Variants in TRPM3 observed in about 807,000 individuals in gnomAD.
TRPM3 encodes the protein transient receptor potential cation channel subfamily M member 3.
In TRPM3, 77 loss-of-function variants were observed where a neutral mutation model predicts 181.2. The ratio of observed to expected loss-of-function variants is 0.42; its 90% CI spans 0.35 to 0.51. The LOEUF is 0.51. Ranked by LOEUF, TRPM3 falls within the 20% of genes least tolerant of loss-of-function variation. The pLI is 0.01. For synonymous variants in TRPM3, 745 were observed against 796.4 expected (o/e 0.94, Z 1.09); for missense variants, 1,759 against 2,196.7 (o/e 0.80, Z 3.98).
intron 1 of TRPM3, among the ~76,000 whole-genome samples, chr9:71,303,355 C>A (rs1399165095): frequency 1.3e-5 from 2 of 152,184 alleles, no homozygotes; most frequent in Non-Finnish European, 2.9e-5. Context: ...AGTTAAATAT[C>A]TCTTTATCTG....
chr9:71,054,898 G>T (rs1255862698), intron 1 of TRPM3, among the ~76,000 whole-genome samples: 2 of 152,102 alleles, frequency 1.3e-5, no homozygotes, highest in African/African-American at 4.8e-5. Context: ...AATAACAGTA[G>T]CTTATAATAA....
chr9:71,111,187 G>A (rs1283131750), intron 1 of TRPM3, among the ~76,000 whole-genome samples: 1 of 152,168 alleles, frequency 6.6e-6, no homozygotes, highest in African/African-American at 2.4e-5. Flanking sequence ...CTTAGTCTGT[G>A]TTTAGTGAAT....
chr9:71,201,290 T>C (rs2078773850), intron 1 of TRPM3, among the ~76,000 whole-genome samples: 1 of 152,206 alleles, frequency 6.6e-6, no homozygotes, highest in South Asian at 2.1e-4. Context: ...GACCTTTCTC[T>C]CTGGCTGCCC....
chr9:70,580,287 C>A (rs563843011), intron 22 of TRPM3, among the ~76,000 whole-genome samples: 74 of 152,264 alleles, frequency 4.9e-4, no homozygotes, highest in Middle Eastern at 6.8e-3. Context: ...CACAAGGCGA[C>A]CTGCGAATTT....
chr9:71,027,785 T>A (rs919461433), intron 1 of TRPM3, among the ~76,000 whole-genome samples: 8 of 151,670 alleles, frequency 5.3e-5, no homozygotes, highest in Admixed American at 4.6e-4. Flanking sequence ...TGAAAAGAAA[T>A]AAACAAAAAC....
intron 1 of TRPM3, among the ~76,000 whole-genome samples, chr9:70,890,586 A>G (rs1238602110): frequency 1.3e-5 from 2 of 152,144 alleles, no homozygotes; most frequent in African/African-American, 2.4e-5. Context: ...GACAGAAGAA[A>G]ACATATTTCG....
upstream of TRPM3, chr9:71,121,672 G>A (rs372747326): frequency 1.8e-6 from 2 of 1,104,994 alleles, no homozygotes; most frequent in South Asian, 3.7e-5. Flanking sequence ...CAGGCGTTGG[G>A]GGGGAACCGG....
At chr9:71,438,536 G>T (rs2094084353) in intron 1 of TRPM3, among the ~76,000 whole-genome samples, 2 of 151,988 alleles carry the variant, frequency 1.3e-5, no homozygotes, top group Non-Finnish European at 2.9e-5. Flanking sequence ...AGCAGGGTGT[G>T]GTGGCGCATG....
intron 1 of TRPM3, among the ~76,000 whole-genome samples, chr9:70,915,373 C>T (rs1389739221): frequency 1.3e-5 from 2 of 152,060 alleles, no homozygotes; most frequent in Admixed American, 1.3e-4. Flanking sequence ...TCTCGGCTCA[C>T]TGCAAGCTTC....
intron 1 of TRPM3, among the ~76,000 whole-genome samples, chr9:71,374,413 C>A (rs186883425): frequency 3.8e-4 from 57 of 151,956 alleles, no homozygotes; most frequent in Admixed American, 7.9e-4. Context: ...ACAAAAAAAA[C>A]CACTCTCAAA....
At position 71,063,120 on chromosome 9, in the gene TRPM3, C is replaced by T. The variant is rs76547970; in HGVS notation, c.177+58058G>A. On this transcript the variant is annotated intron_variant, in intron 1 of 25. Coordinates refer to ENST00000677713, the MANE Select transcript of TRPM3 (RefSeq NM_001366145.2). ...TGTATCTCCTATCTCTAGAATCCAG[C>T]CATACTGGTCACATCATCAAAGCAA... Among the ~76,000 whole-genome samples the T allele has an allele frequency of 4.9e-3, 750 of 152,166 alleles. 18 individuals carry two copies. The East Asian group carries it at 0.078, about 16-fold the overall frequency.
chr9:71,303,438 A>T (rs890424629), intron 1 of TRPM3, among the ~76,000 whole-genome samples: 2 of 152,226 alleles, frequency 1.3e-5, no homozygotes, highest in African/African-American at 4.8e-5. Flanking sequence ...CTGGTAAATG[A>T]AGGAGAAATA....
chr9:71,326,066 A>G (rs2089660767), intron 1 of TRPM3, among the ~76,000 whole-genome samples: 1 of 152,206 alleles, frequency 6.6e-6, no homozygotes, highest in Non-Finnish European at 1.5e-5. Context: ...CAAATTTAGT[A>G]ATACTTGCCC....
chr9:71,085,966 A>G (rs1443134837), intron 1 of TRPM3, among the ~76,000 whole-genome samples: 2 of 152,080 alleles, frequency 1.3e-5, no homozygotes, highest in Non-Finnish European at 2.9e-5. Flanking sequence ...TCAACAGTGG[A>G]CTGGATAAAG....
intron 1 of TRPM3, among the ~76,000 whole-genome samples, chr9:71,411,519 A>C (rs1181399869): frequency 6.6e-6 from 1 of 152,230 alleles, no homozygotes; most frequent in Non-Finnish European, 1.5e-5. Context: ...AAAGAGAATA[A>C]AATACCTAGG....
chr9:71,097,306 G>A (rs1196858912), intron 1 of TRPM3, among the ~76,000 whole-genome samples: 3 of 151,712 alleles, frequency 2.0e-5, no homozygotes, highest in Non-Finnish European at 4.4e-5. Flanking sequence ...CCTAACTTTA[G>A]GATATATACT....
chr9:71,031,427 T>C (rs1435596840), intron 1 of TRPM3, among the ~76,000 whole-genome samples: 1 of 152,164 alleles, frequency 6.6e-6, no homozygotes, highest in African/African-American at 2.4e-5. Context: ...TATAATAAGA[T>C]AGTGACAACT....
chr9:70,828,597 A>G (rs1416830439), intron 5 of TRPM3, among the ~76,000 whole-genome samples: 1 of 152,136 alleles, frequency 6.6e-6, no homozygotes, highest in Non-Finnish European at 1.5e-5. Context: ...GATATGAATC[A>G]GGCCCAAAAT....
At chr9:71,271,043 T>C (rs1359463743) in intron 1 of TRPM3, among the ~76,000 whole-genome samples, 2 of 152,150 alleles carry the variant, frequency 1.3e-5, no homozygotes, top group African/African-American at 4.8e-5. Flanking sequence ...ACTATCCAAA[T>C]AAGTCATTAT....
Sources: gnomAD v4.1 joint callset for allele counts (sites outside exome capture counted in the v4.1 genomes callset) on GRCh38, gnomAD v4.1.1 for gene constraint, MANE v1.5 for transcripts, NCBI Gene and HGNC (gene_info 2026-07-23, HGNC 2026-07-21) for gene names.